The following PGM5 variants were observed in gnomAD, a reference collection of about 807,000 sequenced individuals.
The protein encoded by PGM5 is phosphoglucomutase 5, also known as phosphoglucomutase-like protein 5.
In PGM5, 23 loss-of-function variants were observed where a neutral mutation model predicts 59.2. That is an observed-to-expected ratio of 0.39 (90% CI 0.28 to 0.55). The LOEUF is 0.55. Ranked by LOEUF, PGM5 falls within the 20% of genes least tolerant of loss-of-function variation. The pLI, the probability that PGM5 is intolerant of heterozygous loss-of-function variation, is 0.66. For missense variants in PGM5, 574 were observed against 748.3 expected, an observed-to-expected ratio of 0.77 and a Z score of 2.72; for synonymous variants, 214 against 286.0, an observed-to-expected ratio of 0.75 and a Z score of 2.54.
At chr9:68,498,156 A>T (rs1453601020) in intron 9 of PGM5, 1 of 152,220 alleles carries the variant, frequency 6.6e-6, no homozygotes, top group Non-Finnish European at 1.5e-5. Context: ...CCTAAATAAG[A>T]TGGCTACAAG....
At chr9:68,448,074 G>A (rs546696595) in intron 6 of PGM5, among the ~76,000 whole-genome samples, 3 of 152,132 alleles carry the variant, frequency 2.0e-5, no homozygotes, top group Non-Finnish European at 4.4e-5. Context: ...GAGGAAAAGG[G>A]GCTTTGAGGG....
intron 10 of PGM5, among the ~76,000 whole-genome samples, chr9:68,500,949 A>G (rs1456048864): frequency 5.9e-5 from 9 of 152,178 alleles, no homozygotes; most frequent in African/African-American, 2.2e-4. Context: ...GCAGTCCACA[A>G]AAGCAGTGCT....
intron 10 of PGM5, among the ~76,000 whole-genome samples, chr9:68,519,596 A>T (rs1824868501): frequency 6.6e-6 from 1 of 151,910 alleles, no homozygotes; most frequent in South Asian, 2.1e-4. Context: ...ATCCATGTAT[A>T]CATATGTAAC....
In PGM5 at chr9:68,365,508, T is replaced by C. The variant is rs565724154; in HGVS notation, c.261+8120T>C. Among the ~76,000 whole-genome samples, 456 of 152,296 alleles carry C rather than the reference T, an allele frequency of 3.0e-3. 4 individuals carry two copies. Among genetic ancestry groups the C allele is most frequent in the African/African-American group, 0.01 (433 of 41,564 alleles). On this transcript the variant is annotated intron_variant, in intron 1 of 10. Coordinates refer to ENST00000396396, the MANE Select transcript of PGM5 (RefSeq NM_021965.4). ...ATGAAAATCCACCTTCTCTGAGTCT[T>C]CAAATATCTTACATATCTTACATTT...
intron 7 of PGM5, among the ~76,000 whole-genome samples, chr9:68,465,591 G>C (rs1292031485): frequency 6.6e-6 from 1 of 152,082 alleles, no homozygotes; most frequent in African/African-American, 2.4e-5. Context: ...GCAATCCTCT[G>C]TAGCTCATTG....
At chr9:68,435,736 AC>A (rs1823433103) in intron 6 of PGM5, among the ~76,000 whole-genome samples, 1 of 152,150 alleles carries the variant, frequency 6.6e-6, no homozygotes, top group Non-Finnish European at 1.5e-5. Flanking sequence ...GAATTTGTGT[AC>A]AAGTTTTTAT....
intron 10 of PGM5, among the ~76,000 whole-genome samples, chr9:68,522,824 G>A (rs990906604): frequency 6.6e-6 from 1 of 152,088 alleles, no homozygotes; most frequent in South Asian, 2.1e-4. Context: ...AGATAATTGG[G>A]AGTCATGCCA....
At chr9:68,518,829 G>T (rs948952006) in intron 10 of PGM5, among the ~76,000 whole-genome samples, 42 of 152,194 alleles carry the variant, frequency 2.8e-4, no homozygotes, top group Admixed American at 2.4e-3. Context: ...ACATAATTTA[G>T]TTGGAGTCTC....
At chr9:68,502,802 G>A (rs1257833453) in intron 10 of PGM5, among the ~76,000 whole-genome samples, 1 of 152,124 alleles carries the variant, frequency 6.6e-6, no homozygotes, top group East Asian at 1.9e-4. Flanking sequence ...GGATTCTCCT[G>A]CCTCAGCCCC....
At chr9:68,490,726 G>A (rs1824377023) in intron 9 of PGM5, among the ~76,000 whole-genome samples, 1 of 152,262 alleles carries the variant, frequency 6.6e-6, no homozygotes, top group Non-Finnish European at 1.5e-5. Context: ...ATTTATCCTT[G>A]TCCCTTTTGC....
chr9:68,521,700 G>T (rs993175439), intron 10 of PGM5, among the ~76,000 whole-genome samples: 1 of 152,174 alleles, frequency 6.6e-6, no homozygotes, highest in African/African-American at 2.4e-5. Flanking sequence ...CTTTTACAAT[G>T]TTTTGGTGGC....
At chr9:68,498,972 G>A (rs1824526332) in intron 9 of PGM5, 1 of 417,956 alleles carries the variant, frequency 2.4e-6, no homozygotes, top group Non-Finnish European at 4.3e-6. Context: ...GAGAACTTGA[G>A]TATCTGTTCA....
At chr9:68,503,361 C>G (rs1311846251) in intron 10 of PGM5, among the ~76,000 whole-genome samples, 2 of 152,188 alleles carry the variant, frequency 1.3e-5, no homozygotes, top group Non-Finnish European at 2.9e-5. Flanking sequence ...GGAAGATCAT[C>G]TAACACAACC....
intron 6 of PGM5, among the ~76,000 whole-genome samples, chr9:68,428,167 T>C (rs1823269434): frequency 1.3e-5 from 2 of 152,238 alleles, no homozygotes; most frequent in South Asian, 4.1e-4. Context: ...TGGTAATATT[T>C]ATAATTTGTT....
chr9:68,530,409 A>G lies in PGM5; in HGVS notation c.*753A>G, dbSNP rs1350879157. 6.6e-6 allele frequency: 1 copy of G among 152,240 alleles called. No homozygotes were observed. The highest frequency in any genetic ancestry group is 1.5e-5 in the Non-Finnish European group (1 of 68,054). The allele number at this position is 152,240 out of a possible 1,614,324, so 9.4% of individuals were successfully genotyped here. A position where few individuals can be genotyped will look rare whatever the true frequency, so the allele number is the denominator to read the frequency against. On this transcript the variant is annotated 3_prime_UTR_variant, in exon 11 of 11. Coordinates refer to ENST00000396396, the MANE Select transcript of PGM5 (RefSeq NM_021965.4). ...TAAAGTTGGGAAGAAGTTTCTTGAC[A>G]AGACTCTGCAATTAAATGCTTAAAA...
At chr9:68,494,012 T>A (rs1015803312) in intron 9 of PGM5, among the ~76,000 whole-genome samples, 2 of 152,156 alleles carry the variant, frequency 1.3e-5, no homozygotes, top group Admixed American at 6.6e-5. Context: ...AGGAAAACAC[T>A]AAGCTGGAAC....
rs79929591 is a variant in PGM5 at position 68,437,706 on chromosome 9, T to C, written c.1044-27387T>C. ...TAGACTAAAAGTAGTAAACATTCTC[T>C]GCAGTTTTATTTTTGAATTATGTTG... On this transcript the variant is annotated intron_variant, in intron 6 of 10. Transcript: ENST00000396396. This position sits in a 1 kb window ranked among gnomAD's most constrained non-coding sequence, Gnocchi z 4.1. 9.1e-3 allele frequency among the ~76,000 whole-genome samples: 1,389 copies of C among 152,330 alleles called. 16 individuals carry two copies. Among genetic ancestry groups the C allele is most frequent in the African/African-American group, 0.032 (1,349 of 41,566 alleles).
At chr9:68,452,521 C>A (rs1407493305) in intron 6 of PGM5, among the ~76,000 whole-genome samples, 4 of 152,210 alleles carry the variant, frequency 2.6e-5, no homozygotes, top group Admixed American at 2.6e-4. Flanking sequence ...ACGACTAGAA[C>A]CTCTGAGAGA....
chr9:68,377,732 C>G (rs1821958354), intron 1 of PGM5, among the ~76,000 whole-genome samples: 1 of 152,272 alleles, frequency 6.6e-6, no homozygotes, highest in Admixed American at 6.5e-5. Context: ...AATATGCCCA[C>G]AGGTGATGAG....
Sources: gnomAD v4.1 joint callset for allele counts (sites outside exome capture counted in the v4.1 genomes callset) on GRCh38, gnomAD v4.1.1 for gene constraint, Gnocchi (gnomAD v3.1) non-coding constraint, MANE v1.5 for transcripts, NCBI Gene and HGNC (gene_info 2026-07-23, HGNC 2026-07-21) for gene names.